CTNNA3: variants seen among roughly 807,000 people sequenced by gnomAD.
CTNNA3 encodes catenin alpha-3.
CTNNA3 carries 76 observed loss-of-function variants against 95.7 expected under a neutral mutation model. That is an observed-to-expected ratio of 0.79 (90% confidence interval 0.66 to 0.96). The LOEUF (loss-of-function observed/expected upper bound fraction) is 0.96, where lower values mean the gene tolerates loss of function less well. Among genes scored for constraint, CTNNA3 ranks in the 40% least tolerant of loss-of-function variants. The pLI is 0.00. For synonymous variants in CTNNA3, 431 were observed against 374.4 expected (o/e 1.15, Z -1.74); for missense variants, 1,191 against 1,089.8 (o/e 1.09, Z -1.31).
chr10:66,497,771 C>T (rs1017538077), intron 11 of CTNNA3, among the ~76,000 whole-genome samples: 5 of 151,998 alleles, frequency 3.3e-5, no homozygotes, highest in Admixed American at 1.3e-4. Flanking sequence ...GGCCAATAAC[C>T]AGACAAATAA....
intron 10 of CTNNA3, among the ~76,000 whole-genome samples, chr10:66,524,060 T>C (rs1347385162): frequency 6.6e-6 from 1 of 152,138 alleles, no homozygotes; most frequent in Non-Finnish European, 1.5e-5. Context: ...TGTACCTCTG[T>C]GACTGTTTTT....
intron 7 of CTNNA3, among the ~76,000 whole-genome samples, chr10:66,806,766 G>A (rs986811766): frequency 3.3e-3 from 127 of 38,278 alleles, no homozygotes; most frequent in Non-Finnish European, 8.8e-3. Context: ...ATGTGTGTGT[G>A]TGTGTGTGTG....
At chr10:66,089,566 C>T (rs2081132413) in intron 14 of CTNNA3, among the ~76,000 whole-genome samples, 1 of 151,786 alleles carries the variant, frequency 6.6e-6, no homozygotes, top group Admixed American at 6.6e-5. Flanking sequence ...TAATTCACTG[C>T]ACAATATGAA....
chr10:66,515,297 C>T (rs1840804666), intron 11 of CTNNA3, among the ~76,000 whole-genome samples: 2 of 151,324 alleles, frequency 1.3e-5, no homozygotes, highest in South Asian at 4.2e-4. Context: ...ATCTATCTAT[C>T]TATCTATATG....
At chr10:66,094,841 G>A (rs2081334412) in intron 14 of CTNNA3, among the ~76,000 whole-genome samples, 1 of 152,092 alleles carries the variant, frequency 6.6e-6, no homozygotes, top group African/African-American at 2.4e-5. Flanking sequence ...GGTGATAGTG[G>A]AGATGGTGAA....
intron 9 of CTNNA3, among the ~76,000 whole-genome samples, chr10:66,678,442 ACACACATG>A (rs1230380926): frequency 1.3e-5 from 2 of 152,210 alleles, no homozygotes; most frequent in Non-Finnish European, 2.9e-5. Flanking sequence ...TCACATACAC[ACACACATG>A]CACACATGCA....
chr10:66,682,657 G>GCTAAAACTTACTTT (rs55895851), intron 9 of CTNNA3, among the ~76,000 whole-genome samples: 1 of 148,572 alleles, frequency 6.7e-6, no homozygotes, highest in African/African-American at 2.5e-5. Flanking sequence ...TTTTATTTCT[G>GCTAAAACTTACTTT]TTTTCTTTCT....
chr10:66,924,167 C>G (rs1846940050), intron 7 of CTNNA3, among the ~76,000 whole-genome samples: 2 of 152,166 alleles, frequency 1.3e-5, no homozygotes, highest in South Asian at 2.1e-4. Flanking sequence ...TTAAGAAACT[C>G]ACTGGATGTT....
intron 7 of CTNNA3, among the ~76,000 whole-genome samples, chr10:67,008,861 T>G (rs1006147592): frequency 1.5e-4 from 23 of 152,204 alleles, no homozygotes; most frequent in African/African-American, 5.1e-4. Flanking sequence ...TTTTCTTGTT[T>G]TAATTTTCCT....
At chr10:66,832,203 AG>A (rs1279312351) in intron 7 of CTNNA3, among the ~76,000 whole-genome samples, 2 of 152,324 alleles carry the variant, frequency 1.3e-5, no homozygotes, top group African/African-American at 4.8e-5. Context: ...ATGACTCTAT[AG>A]TTTTGATGAT....
chr10:65,980,940 G>A (rs2078308492), intron 16 of CTNNA3, among the ~76,000 whole-genome samples: 1 of 152,064 alleles, frequency 6.6e-6, no homozygotes, highest in African/African-American at 2.4e-5. Flanking sequence ...GACAAGACAA[G>A]GATGACCACT....
At chr10:67,700,344 G>T (rs1841026228), upstream of CTNNA3, among the ~76,000 whole-genome samples, 1 of 152,172 alleles carries the variant, frequency 6.6e-6, no homozygotes, top group African/African-American at 2.4e-5. Context: ...CTGACCCCTT[G>T]ACCCCCGAGC....
intron 7 of CTNNA3, among the ~76,000 whole-genome samples, chr10:67,135,923 A>G (rs772483876): frequency 1.2e-4 from 18 of 152,228 alleles, no homozygotes; most frequent in Non-Finnish European, 2.1e-4. Flanking sequence ...CTTAAGAAGC[A>G]AAGCAGTTTA....
intron 5 of CTNNA3, among the ~76,000 whole-genome samples, chr10:67,338,733 A>G (rs971820011): frequency 2.6e-5 from 4 of 152,170 alleles, no homozygotes; most frequent in Non-Finnish European, 5.9e-5. Flanking sequence ...CTTGCCTACA[A>G]TAGCTAACAA....
chr10:67,326,393 C>T (rs1043561369), intron 5 of CTNNA3, among the ~76,000 whole-genome samples: 3 of 152,066 alleles, frequency 2.0e-5, no homozygotes, highest in African/African-American at 7.2e-5. Context: ...TTAGTGCTAC[C>T]TTTAAGAGTT....
At chr10:66,056,320 T>G (rs2080086817) in intron 15 of CTNNA3, among the ~76,000 whole-genome samples, 1 of 152,234 alleles carries the variant, frequency 6.6e-6, no homozygotes, top group African/African-American at 2.4e-5. Flanking sequence ...TCTGTTGGTA[T>G]GATGTATCAC....
intron 15 of CTNNA3, among the ~76,000 whole-genome samples, chr10:66,000,829 G>A (rs768419399): frequency 6.6e-6 from 1 of 152,108 alleles, no homozygotes; most frequent in Admixed American, 6.5e-5. Flanking sequence ...CAAGTTAAAC[G>A]TAGCTTGACC....
rs1396932158 is a variant in CTNNA3 at position 66,543,903 on chromosome 10, GTGTGTGTGTATATATATATATATATATA to G, written c.1375-23158_1375-23131del. 4.0e-3 allele frequency among the ~76,000 whole-genome samples: 178 copies of G among 44,660 alleles called. 3 individuals are homozygous for G. The highest frequency in any genetic ancestry group is 8.4e-3 in the African/African-American group (156 of 18,634). 29.3% of individuals were successfully genotyped at this position (44,660 alleles called of 152,430 possible). On this transcript the variant is annotated intron_variant, in intron 10 of 17. Coordinates refer to ENST00000433211, the MANE Select transcript of CTNNA3 (RefSeq NM_013266.4). ...ATTTAGCTAATCCTTCTTGAGATGT[GTGTGTGTGTATATATATATATATATATA>G]TATATATATATATATATATATATTT... is the stretch of plus-strand genomic sequence containing the variant.
chr10:66,011,901 C>T (rs774719237), intron 15 of CTNNA3, among the ~76,000 whole-genome samples: 1 of 152,144 alleles, frequency 6.6e-6, no homozygotes, highest in Non-Finnish European at 1.5e-5. Flanking sequence ...TGGCACTTTG[C>T]TATGCTGTAT....
Sources: allele counts gnomAD v4.1 joint callset (sites outside exome capture counted in the v4.1 genomes callset), GRCh38; gene constraint gnomAD v4.1.1; transcripts MANE v1.5; gene names NCBI Gene and HGNC (gene_info 2026-07-23, HGNC 2026-07-21).